The following SKIC8 variants were observed in gnomAD, a reference collection of about 807,000 sequenced individuals.
The protein encoded by SKIC8 is superkiller complex protein 8.
chr15:78,283,677 G>A, the SKIC8 span: 8 of 515,110 alleles, frequency 1.6e-5, no homozygotes, highest in East Asian at 6.2e-5. Context: ...GGCTTTAACC[G>A]AGCACCTTCC....
chr15:78,288,448 C>T, the SKIC8 span: 1 of 1,479,416 alleles, frequency 6.8e-7, no homozygotes, highest in Non-Finnish European at 9.4e-7. Context: ...TTCCCACTGA[C>T]AATGCCCCTT....
At chr15:78,287,855 G>A in the SKIC8 span, among the ~76,000 whole-genome samples, 12 of 152,182 alleles carry the variant, frequency 7.9e-5, no homozygotes, top group Non-Finnish European at 1.3e-4. Flanking sequence ...TAGCAGGGCG[G>A]CTTATAAACT....
chr15:78,297,461 T>C, the SKIC8 span, among the ~76,000 whole-genome samples: 1 of 152,318 alleles, frequency 6.6e-6, no homozygotes, highest in Admixed American at 6.5e-5. Flanking sequence ...ATAGACTGTA[T>C]GCTAAAATTT....
the SKIC8 span, chr15:78,286,953 G>A: frequency 1.1e-4 from 16 of 152,096 alleles, no homozygotes; most frequent in African/African-American, 3.4e-4. Context: ...TGTAGTTAGG[G>A]GTGGCTACAC....
At chr15:78,291,458 A>G in the SKIC8 span, among the ~76,000 whole-genome samples, 3 of 152,176 alleles carry the variant, frequency 2.0e-5, no homozygotes, top group Non-Finnish European at 4.4e-5. Context: ...AAAGACAACC[A>G]TCAGGGGAGT....
chr15:78,288,150 G>T, the SKIC8 span: 1 of 793,000 alleles, frequency 1.3e-6, no homozygotes, highest in Non-Finnish European at 2.0e-6. Flanking sequence ...CTGAACGGGG[G>T]AGGACCGCCT....
the SKIC8 span, among the ~76,000 whole-genome samples, chr15:78,287,288 A>T: frequency 1.3e-5 from 2 of 151,232 alleles, no homozygotes; most frequent in African/African-American, 2.4e-5. Context: ...CTCTATAGAG[A>T]CATCTTCCCC....
chr15:78,292,654 T>G, the SKIC8 span: 1 of 1,614,216 alleles, frequency 6.2e-7, no homozygotes, highest in Non-Finnish European at 8.5e-7. Context: ...TTTGCCATTT[T>G]CCAAGTCCCA....
At chr15:78,295,011 G>C in the SKIC8 span, 1 of 1,613,550 alleles carries the variant, frequency 6.2e-7, no homozygotes. Flanking sequence ...CCCATGGTCA[G>C]ATTTCAGATG....
At chr15:78,296,654 T>TGC in the SKIC8 span, among the ~76,000 whole-genome samples, 2 of 152,010 alleles carry the variant, frequency 1.3e-5, no homozygotes, top group African/African-American at 4.8e-5. Context: ...TACAGGTGCG[T>TGC]GCCAACATGT....
chr15:78,294,728 T>C, the SKIC8 span: 8 of 554,998 alleles, frequency 1.4e-5, no homozygotes, highest in Admixed American at 1.3e-4. Flanking sequence ...CCCCAACCTA[T>C]CATGATGACT....
the SKIC8 span, chr15:78,295,643 A>G: frequency 1.9e-6 from 3 of 1,609,492 alleles, no homozygotes; most frequent in African/African-American, 2.7e-5. Flanking sequence ...AAAGAGACCA[A>G]TTGATGTTTT....
At chr15:78,295,051 C>T in the SKIC8 span, 3 of 1,547,606 alleles carry the variant, frequency 1.9e-6, no homozygotes, top group African/African-American at 4.1e-5. Context: ...AGCACTCCTC[C>T]CCGAGTAGAC....
At chr15:78,283,416 C>T in the SKIC8 span, 2 of 1,600,250 alleles carry the variant, frequency 1.2e-6, no homozygotes, top group Non-Finnish European at 1.7e-6. Context: ...CAGCATAAGC[C>T]TGGAGACTTT....
chr15:78,284,820 T>TAA, the SKIC8 span: 9 of 148,322 alleles, frequency 6.1e-5, no homozygotes, highest in East Asian at 1.9e-4. Context: ...TCTACTATAT[T>TAA]AAAAAAAAAA....
the SKIC8 span, chr15:78,292,626 A>C: frequency 6.2e-7 from 1 of 1,614,196 alleles, no homozygotes; most frequent in Non-Finnish European, 8.5e-7. Context: ...CAGGTCCTGC[A>C]TCTATGGACT....
the SKIC8 span, chr15:78,292,593 TCC>T: frequency 6.2e-7 from 1 of 1,613,984 alleles, no homozygotes. Context: ...CTCTATTATC[TCC>T]CCTACAAGTA....
chr15:78,284,961 G>A, the SKIC8 span: 2 of 359,044 alleles, frequency 5.6e-6, no homozygotes, highest in Non-Finnish European at 1.0e-5. Context: ...GAGGGCCCCA[G>A]ACACCAGCTG....
the SKIC8 span, chr15:78,290,214 T>C: frequency 4.5e-6 from 5 of 1,098,962 alleles, no homozygotes; most frequent in Non-Finnish European, 6.2e-6. Context: ...AGTGTCCTGA[T>C]TCAGAAAATT....
Sources: allele counts gnomAD v4.1 joint callset (sites outside exome capture counted in the v4.1 genomes callset), GRCh38; gene constraint gnomAD v4.1.1; transcripts MANE v1.5; gene names NCBI Gene and HGNC (gene_info 2026-07-23, HGNC 2026-07-21).